Variants in CBX7 observed in about 807,000 individuals in gnomAD.
CBX7 encodes the protein chromobox 7, also known as chromobox protein homolog 7.
A neutral mutation model predicts 31.4 loss-of-function variants in CBX7; 14 were observed. The observed-to-expected ratio is 0.45, with a 90% CI of 0.29 to 0.70. CBX7 has a LOEUF of 0.70. Ranked by LOEUF, CBX7 falls within the 30% of genes least tolerant of loss-of-function variation. The probability of loss-of-function intolerance (pLI) is 0.11; values close to 1 mark genes in which losing one functional copy is unlikely to be tolerated. For missense variants in CBX7, 269 were observed against 351.9 expected (o/e 0.76, Z 1.89); for synonymous variants, 159 against 152.6 (o/e 1.04, Z -0.31).
intron 2 of CBX7, among the ~76,000 whole-genome samples, chr22:39,142,041 C>T (rs1236179334): frequency 6.6e-6 from 1 of 152,184 alleles, no homozygotes; most frequent in South Asian, 2.1e-4. Context: ...AAGCCCCACA[C>T]CAGGCAAGAG....
In CBX7 at chr22:39,144,173, C is replaced by G. The variant is rs147088117; in HGVS notation, c.114-2737G>C. On this transcript the variant is annotated intron_variant, in intron 2 of 5. Coordinates refer to ENST00000216133, the MANE Select transcript of CBX7 (RefSeq NM_175709.5). ...AAATGCTGCCCAACGACAGAATGCT[C>G]GCCTCCTTGCTTCCTCTAACACTCT... Among the ~76,000 whole-genome samples the G allele has an allele frequency of 7.3e-3, 1,114 of 152,330 alleles. 5 individuals carry two copies. The highest frequency in any genetic ancestry group is 0.027 in the Middle Eastern group (8 of 294).
chr22:39,139,475 G>T (rs982594960), intron 3 of CBX7, among the ~76,000 whole-genome samples: 7 of 151,974 alleles, frequency 4.6e-5, no homozygotes, highest in Non-Finnish European at 8.8e-5. Context: ...GGCTGAGGCG[G>T]GCAGATTACA....
chr22:39,134,142 T>C (rs888801363), intron 5 of CBX7, 94 bp from the exon 6 acceptor site: 13 of 1,324,170 alleles, frequency 9.8e-6, no homozygotes, highest in Non-Finnish European at 1.2e-5. Flanking sequence ...TCCTCCTCTC[T>C]GTGTCTTCAG....
In CBX7 at chr22:39,134,460, G is replaced by A. The variant is rs766946063; in HGVS notation, c.539C>T (p.Pro180Leu). The change falls in exon 5 of 6, where the codon CCA (proline) becomes CTA (leucine). Residue 180 changes from proline (P) to leucine (L), a missense_variant. Transcript: ENST00000216133. ...RELFLQEPPA[P>L]DVLQAAGEWE... ...CTCGCCAGCCGCCTGCAGGACGTCT[G>A]GGGCCGGTGGCTCCTGCAGGAAGAG... 1 of 1,607,854 alleles carries A rather than the reference G, an allele frequency of 6.2e-7. No individual in the cohort carries two copies. The highest frequency in any genetic ancestry group is 8.5e-7 in the Non-Finnish European group (1 of 1,179,800).
At chr22:39,136,270 A>C (rs1423249609) in intron 4 of CBX7, 1 of 152,278 alleles carries the variant, frequency 6.6e-6, no homozygotes, top group Middle Eastern at 3.4e-3. Context: ...TTTCTCAGCG[A>C]AACAATGAAG....
intron 1 of CBX7, 50 bp from the exon 2 acceptor site, chr22:39,149,882 G>A: frequency 6.6e-7 from 1 of 1,514,566 alleles, no homozygotes; most frequent in Non-Finnish European, 9.2e-7. Context: ...TGCCCCTACA[G>A]CCACTCGGAA....
At chr22:39,145,250 T>C (rs1263546501) in intron 2 of CBX7, among the ~76,000 whole-genome samples, 1 of 152,104 alleles carries the variant, frequency 6.6e-6, no homozygotes, top group Non-Finnish European at 1.5e-5. Flanking sequence ...CTTAATTGTT[T>C]GGACCCAGCC....
intron 2 of CBX7, among the ~76,000 whole-genome samples, chr22:39,145,654 G>GC (rs1268949793): frequency 6.6e-6 from 1 of 150,444 alleles, no homozygotes. Flanking sequence ...GCCAGGCCCC[G>GC]CCCCCGCCGG....
At chr22:39,140,653 A>C (rs919311367) in intron 3 of CBX7, among the ~76,000 whole-genome samples, 1 of 152,180 alleles carries the variant, frequency 6.6e-6, no homozygotes, top group Non-Finnish European at 1.5e-5. Context: ...GGCCAAATAC[A>C]AATGATTTTG....
intron 1 of CBX7, 25 bp from the exon 2 acceptor site, chr22:39,149,857 A>G (rs781124430): frequency 6.2e-7 from 1 of 1,610,494 alleles, no homozygotes; most frequent in African/African-American, 1.3e-5. Flanking sequence ...AAGCAGACAC[A>G]GTGAGTCTCG....
intron 3 of CBX7, among the ~76,000 whole-genome samples, chr22:39,139,806 T>C (rs538895995): frequency 2.6e-5 from 4 of 151,338 alleles, no homozygotes; most frequent in South Asian, 4.2e-4. Flanking sequence ...GGCATACACC[T>C]GTAGTCCCAA....
At chr22:39,151,812 G>A (rs1352393876) in intron 1 of CBX7, among the ~76,000 whole-genome samples, 1 of 150,450 alleles carries the variant, frequency 6.6e-6, no homozygotes, top group Admixed American at 6.6e-5. Flanking sequence ...CGCAGGGGGC[G>A]GGCTTCAGAG....
intron 3 of CBX7, among the ~76,000 whole-genome samples, chr22:39,139,130 GCAAGTAAAGCTCTGCA>G (rs1930358240): frequency 6.6e-6 from 1 of 152,186 alleles, no homozygotes; most frequent in Admixed American, 6.5e-5. Flanking sequence ...TAGTCCCTCT[GCAAGTAAAGCTCTGCA>G]CAGACTCCCC....
intron 4 of CBX7, chr22:39,135,425 T>C (rs1276952810): frequency 1.3e-5 from 2 of 152,248 alleles, no homozygotes; most frequent in African/African-American, 2.4e-5. Flanking sequence ...CTTATTTACT[T>C]GGGGAGAATT....
intron 4 of CBX7, 181 bp from the exon 5 acceptor site, chr22:39,134,933 C>A: frequency 3.5e-6 from 2 of 577,776 alleles, no homozygotes; most frequent in Non-Finnish European, 6.1e-6. Flanking sequence ...GCGCCCCGGG[C>A]AACCCCAGGG....
chr22:39,139,209 T>C (rs2146357335), intron 3 of CBX7, among the ~76,000 whole-genome samples: 1 of 152,320 alleles, frequency 6.6e-6, no homozygotes, highest in South Asian at 2.1e-4. Flanking sequence ...CTACCCTGTC[T>C]GTCCCATCTT....
chr22:39,146,008 C>T (rs113658502), intron 2 of CBX7, among the ~76,000 whole-genome samples: 21 of 152,256 alleles, frequency 1.4e-4, no homozygotes, highest in African/African-American at 4.8e-4. Context: ...CCACCCGGAA[C>T]CCCGCAGAGC....
intron 2 of CBX7, chr22:39,148,070 C>G (rs1040926599): frequency 1.3e-5 from 2 of 152,268 alleles, no homozygotes; most frequent in African/African-American, 4.8e-5. Flanking sequence ...TGGTGGGGCC[C>G]TGTCCCAGGG....
rs917039442 is a variant in CBX7, at chr22:39,132,136, G to A, written c.*1755C>T. 1.3e-5 allele frequency: 2 copies of A among 152,326 alleles called. No individual in the cohort carries two copies. The highest frequency in any genetic ancestry group is 4.8e-5 in the African/African-American group (2 of 41,446). 9.4% of individuals were successfully genotyped at this position (152,326 alleles called of 1,614,324 possible). A position where few individuals can be genotyped will look rare whatever the true frequency, so the allele number is the denominator to read the frequency against. On this transcript the variant is annotated 3_prime_UTR_variant, in exon 6 of 6. Coordinates refer to ENST00000216133, the MANE Select transcript of CBX7 (RefSeq NM_175709.5). Reference sequence around the variant, plus strand: ...ACCGTGGACAACTAAAGATCGAGGAGGAAGGAAAGAGAGACTCAGGGATCT... The same window carrying A: ...ACCGTGGACAACTAAAGATCGAGGAAGAAGGAAAGAGAGACTCAGGGATCT...
Sources: allele counts gnomAD v4.1 joint callset (sites outside exome capture counted in the v4.1 genomes callset), GRCh38; gene constraint gnomAD v4.1.1; transcripts MANE v1.5; gene names NCBI Gene and HGNC (gene_info 2026-07-23, HGNC 2026-07-21).